RBFOX1: variants seen among roughly 807,000 people sequenced by gnomAD.
RBFOX1 encodes RNA binding fox-1 homolog 1.
Under a neutral mutation model 57.7 loss-of-function variants are expected in RBFOX1, and 8 were observed. The ratio of observed to expected loss-of-function variants is 0.14; its 90% CI spans 0.08 to 0.25. The LOEUF is 0.25. Among genes scored for constraint, RBFOX1 ranks in the 10% least tolerant of loss-of-function variants. The pLI is 1.00. For missense variants in RBFOX1, 611 were observed against 548.5 expected, an observed-to-expected ratio of 1.11 and a Z score of -1.14; for synonymous variants, 326 against 222.4, an observed-to-expected ratio of 1.47 and a Z score of -4.15.
intron 3 of RBFOX1, among the ~76,000 whole-genome samples, chr16:5,861,509 A>G (rs1382576590): frequency 1.3e-5 from 2 of 152,130 alleles, no homozygotes; most frequent in African/African-American, 4.8e-5. Flanking sequence ...CTGTTATTCA[A>G]TTTGCTCTCC....
At chr16:6,142,415 G>GT (rs1479043401) in intron 1 of RBFOX1, among the ~76,000 whole-genome samples, 1 of 151,702 alleles carries the variant, frequency 6.6e-6, no homozygotes. Context: ...TAGAGATGGG[G>GT]TTTCACCATG....
chr16:6,707,700 T>C (rs2063011348), intron 3 of RBFOX1, among the ~76,000 whole-genome samples: 1 of 152,178 alleles, frequency 6.6e-6, no homozygotes, highest in African/African-American at 2.4e-5. Flanking sequence ...GAGAGTGCCC[T>C]TCCTCCCAGT....
intron 3 of RBFOX1, among the ~76,000 whole-genome samples, chr16:6,830,362 C>G (rs1048819009): frequency 8.6e-5 from 13 of 151,742 alleles, no homozygotes; most frequent in African/African-American, 2.7e-4. Context: ...AAATATTCCA[C>G]TTTTTTTTTC....
rs4539616 is a variant in RBFOX1 at position 7,212,744 on chromosome 16, A to T, written c.27+160646A>T. ...ATGTGGGCCTTAAAACCTAGATGAC[A>T]GGTTGATAGGTGCAGCAAACCACCA... is the stretch of plus-strand genomic sequence containing the variant. On this transcript the variant is annotated intron_variant, in intron 4 of 15. Coordinates refer to ENST00000550418, the MANE Select transcript of RBFOX1 (RefSeq NM_018723.4). Among the ~76,000 whole-genome samples, 65 of 152,102 alleles carry T rather than the reference A, an allele frequency of 4.3e-4. 2 individuals are homozygous for T. The East Asian group carries it at 5.4e-3, about 13-fold the overall frequency.
intron 4 of RBFOX1, among the ~76,000 whole-genome samples, chr16:7,076,022 A>G (rs192891019): frequency 1.4e-3 from 202 of 147,278 alleles, no homozygotes; most frequent in Non-Finnish European, 2.5e-3. Context: ...GTTTCTATTT[A>G]TCCTCACACT....
intron 4 of RBFOX1, among the ~76,000 whole-genome samples, chr16:7,217,710 A>G (rs150009720): frequency 2.0e-4 from 31 of 152,298 alleles, no homozygotes; most frequent in African/African-American, 6.5e-4. Context: ...TCACCATTCA[A>G]TTTCTTCTGA....
intron 3 of RBFOX1, among the ~76,000 whole-genome samples, chr16:6,899,652 A>T (rs2067958059): frequency 6.6e-6 from 1 of 152,214 alleles, no homozygotes; most frequent in Non-Finnish European, 1.5e-5. Flanking sequence ...ATAAACGTCC[A>T]TACCTCCTCA....
intron 3 of RBFOX1, among the ~76,000 whole-genome samples, chr16:6,691,023 C>A (rs1181054915): frequency 6.6e-6 from 1 of 152,070 alleles, no homozygotes; most frequent in Non-Finnish European, 1.5e-5. Context: ...CTTGCAGCTT[C>A]CAGTCATTTT....
intron 2 of RBFOX1, among the ~76,000 whole-genome samples, chr16:5,498,525 C>T (rs936403551): frequency 1.3e-5 from 2 of 152,162 alleles, no homozygotes; most frequent in Admixed American, 6.5e-5. Flanking sequence ...GAAGATCACA[C>T]TGCCTGCTGC....
rs1256853525 is a variant in RBFOX1, at chr16:7,567,166, T to TCC, written c.271-12611_271-12610insCC. Among the ~76,000 whole-genome samples the TCC allele has an allele frequency of 2.2e-3, 318 of 145,788 alleles. 3 individuals are homozygous for TCC. The highest frequency in any genetic ancestry group is 7.7e-3 in the African/African-American group (303 of 39,352). On this transcript the variant is annotated intron_variant, in intron 5 of 15. Coordinates refer to ENST00000550418, the MANE Select transcript of RBFOX1 (RefSeq NM_018723.4). ...ATATATATCCCTATATATATATCCA[T>TCC]ATATATATCCCTATATAAATATCCA... is the stretch of plus-strand genomic sequence containing the variant.
At chr16:6,857,333 G>C (rs2058090606) in intron 3 of RBFOX1, among the ~76,000 whole-genome samples, 1 of 152,168 alleles carries the variant, frequency 6.6e-6, no homozygotes. Flanking sequence ...TATTTAAAAA[G>C]ATGTATGGGT....
intron 3 of RBFOX1, among the ~76,000 whole-genome samples, chr16:5,698,108 T>C (rs2050907468): frequency 6.6e-6 from 1 of 152,196 alleles, no homozygotes; most frequent in Admixed American, 6.5e-5. Context: ...TGTATTATTA[T>C]TTTTAGACTC....
intron 5 of RBFOX1, among the ~76,000 whole-genome samples, chr16:7,522,284 G>A (rs1030716832): frequency 2.0e-5 from 3 of 152,182 alleles, no homozygotes; most frequent in African/African-American, 7.2e-5. Flanking sequence ...TGAAGAGAAA[G>A]ACAAGGACAG....
At chr16:6,227,006 G>A (rs1477113353) in intron 1 of RBFOX1, among the ~76,000 whole-genome samples, 1 of 151,122 alleles carries the variant, frequency 6.6e-6, no homozygotes, top group Non-Finnish European at 1.5e-5. Context: ...CACCTGTAAT[G>A]CCAGCTACTT....
intron 2 of RBFOX1, among the ~76,000 whole-genome samples, chr16:5,469,766 G>T (rs1378486756): frequency 6.6e-6 from 1 of 152,088 alleles, no homozygotes; most frequent in Non-Finnish European, 1.5e-5. Flanking sequence ...TATAGTATGT[G>T]GTCTTCCGTA....
intron 10 of RBFOX1, among the ~76,000 whole-genome samples, chr16:7,620,469 A>C (rs1044648470): frequency 1.3e-5 from 2 of 152,184 alleles, no homozygotes; most frequent in Non-Finnish European, 2.9e-5. Flanking sequence ...TGCCTCCTCT[A>C]TGTCTTATTT....
chr16:6,775,798 C>G (rs1398815643), intron 3 of RBFOX1: 1 of 152,184 alleles, frequency 6.6e-6, no homozygotes, highest in Non-Finnish European at 1.5e-5. Context: ...GCGTGAACCA[C>G]AGTCAGTCTC....
intron 4 of RBFOX1, among the ~76,000 whole-genome samples, chr16:7,155,459 G>A (rs1043741879): frequency 6.6e-6 from 1 of 151,524 alleles, no homozygotes; most frequent in African/African-American, 2.4e-5. Flanking sequence ...AGCAAGGCAT[G>A]GTGGTATGCA....
At chr16:7,346,632 C>T (rs79139081) in intron 4 of RBFOX1, among the ~76,000 whole-genome samples, 10 of 151,900 alleles carry the variant, frequency 6.6e-5, no homozygotes, top group South Asian at 6.2e-4. Context: ...ATGTGGCCCA[C>T]GGGCATTGCT....
Sources: gnomAD v4.1 joint callset for allele counts (sites outside exome capture counted in the v4.1 genomes callset) on GRCh38, gnomAD v4.1.1 for gene constraint, MANE v1.5 for transcripts, NCBI Gene and HGNC (gene_info 2026-07-23, HGNC 2026-07-21) for gene names.